The following STK25 variants were observed in gnomAD, a reference collection of about 807,000 sequenced individuals.
STK25 encodes serine/threonine kinase 25, also known as serine/threonine-protein kinase 25.
In STK25, 29 loss-of-function variants were observed where a neutral mutation model predicts 53.8. The observed-to-expected ratio is 0.54, with a 90% CI of 0.40 to 0.74. The LOEUF (loss-of-function observed/expected upper bound fraction) is 0.74, where lower values mean the gene tolerates loss of function less well. Ranked by LOEUF, STK25 falls within the 30% of genes least tolerant of loss-of-function variation. STK25 has a pLI of 0.00. For synonymous variants in STK25, 247 were observed against 238.3 expected, an observed-to-expected ratio of 1.04 and a Z score of -0.33; for missense variants, 420 against 568.0, an observed-to-expected ratio of 0.74 and a Z score of 2.65.
chr2:241,498,896 G>A, intron 7 of STK25, 93 bp downstream of exon 7: 2 of 1,607,632 alleles, frequency 1.2e-6, no homozygotes, highest in Non-Finnish European at 1.7e-6. Flanking sequence ...CAAGGCTGGT[G>A]GGCCTGGGCC....
At position 241,495,642 on chromosome 2, in the gene STK25, T is replaced by C. The variant is rs2065102732; in HGVS notation, c.*20A>G. The C allele has an allele frequency of 6.2e-7, 1 of 1,614,062 alleles. No homozygotes were observed. On this transcript the variant is annotated 3_prime_UTR_variant, in exon 12 of 12. Coordinates refer to ENST00000316586, the MANE Select transcript of STK25 (RefSeq NM_001271977.2). ...CAAAAACAAACGACCTTCCGTCCCC[T>C]ATCTGAACAGCAGTGCGCTTCAGCG...
At position 241,493,526 on chromosome 2, in the gene STK25, C is replaced by A; in HGVS notation, c.*2136G>T. On this transcript the variant is annotated 3_prime_UTR_variant, in exon 12 of 12. Coordinates refer to ENST00000316586, the MANE Select transcript of STK25 (RefSeq NM_001271977.2). The stretch of plus-strand genomic sequence containing the variant: ...CCATTTCTACTCATGGTGGTGGAGG[C>A]AAGTTTTCTGGGCCCTGGAAAGGAA... The A allele has an allele frequency of 1.5e-6, 2 of 1,370,726 alleles. No homozygotes were observed. Among genetic ancestry groups the A allele is most frequent in the Non-Finnish European group, 1.0e-6 (1 of 968,400 alleles). The allele number at this position is 1,370,726 out of a possible 1,614,324, so 84.9% of individuals were successfully genotyped here.
chr2:241,497,391 A>G (rs909380013), intron 10 of STK25: 21 of 541,156 alleles, frequency 3.9e-5, no homozygotes, highest in Non-Finnish European at 6.7e-5. Context: ...GAAGAAAAAA[A>G]AGTCACCCTA....
At chr2:241,505,069 A>G (rs2065743357) in intron 2 of STK25, among the ~76,000 whole-genome samples, 1 of 146,986 alleles carries the variant, frequency 6.8e-6, no homozygotes, top group South Asian at 2.1e-4. Flanking sequence ...GGCACCCGCC[A>G]TCATGCCCCG....
chr2:241,509,354 ACTT>A (rs2066033940), upstream of STK25: 1 of 152,274 alleles, frequency 6.6e-6, no homozygotes, highest in African/African-American at 2.4e-5. Context: ...TCCGGGAGGG[ACTT>A]GCAGATCCCA....
In STK25 at chr2:241,496,565, AC is replaced by A; in HGVS notation, c.1105-32del. 1 of 1,601,182 alleles carries A rather than the reference AC, an allele frequency of 6.2e-7. No individual in the cohort carries two copies. The highest frequency in any genetic ancestry group is 8.5e-7 in the Non-Finnish European group (1 of 1,171,248). ...AAAAGACCACCACGCCTGACCCTGG[AC>A]CCCAGGACAGGCCTTCAGGGAGCCT... is the stretch of plus-strand genomic sequence containing the variant. On this transcript the variant is annotated intron_variant, in intron 10 of 11. Transcript: ENST00000316586. This position sits in a 1 kb window ranked among gnomAD's most constrained non-coding sequence, Gnocchi z 5.8.
intron 2 of STK25, among the ~76,000 whole-genome samples, chr2:241,506,654 C>G (rs1403045968): frequency 6.6e-6 from 1 of 152,164 alleles, no homozygotes; most frequent in African/African-American, 2.4e-5. Context: ...GTAATCCAAG[C>G]TACTTGGGAG....
At chr2:241,500,112 G>T in intron 5 of STK25, 61 bp downstream of exon 5, 1 of 1,456,244 alleles carries the variant, frequency 6.9e-7, no homozygotes. Context: ...ACAGGCCCCG[G>T]CCTCTCTAAG....
At position 241,496,491 on chromosome 2, in the gene STK25, A is replaced by C. The variant is rs1179240161; in HGVS notation, c.1148T>G (p.Leu383Arg). The C allele has an allele frequency of 6.2e-7, 1 of 1,613,410 alleles. No individual in the cohort carries two copies. Among genetic ancestry groups the C allele is most frequent in the Non-Finnish European group, 8.5e-7 (1 of 1,179,942 alleles). Residue 383 changes from leucine to arginine, a missense_variant, in exon 11 of 12, where the codon CTG becomes CGG. Physicochemically the swap from Leu to Arg is moderately radical, Grantham distance 102. Transcript: ENST00000316586. This position sits in a 1 kb window ranked among gnomAD's most constrained non-coding sequence, Gnocchi z 5.8. ...GCTGAAGGCGTTCTCCAGCTCCTCC[A>C]GCGCACCCACGCTCCCGCCGCTCTG... Reference protein sequence around the residue: ...HKQSGGSVGALEELENAFSLA... With the variant: ...HKQSGGSVGAREELENAFSLA...
Position 241,495,551 on chromosome 2 carries a change from G to T in STK25, c.*111C>A. ...ATGTGAGGCCCACGGGATCCGACGT[G>T]TCCCTGCAGGCACGACATAGCACAG... On this transcript the variant is annotated 3_prime_UTR_variant, in exon 12 of 12. Coordinates refer to ENST00000316586, the MANE Select transcript of STK25 (RefSeq NM_001271977.2). The T allele has an allele frequency of 1.6e-6, 2 of 1,217,446 alleles. No individual in the cohort carries two copies. The highest frequency in any genetic ancestry group is 2.3e-5 in the East Asian group (1 of 42,810). The allele number at this position is 1,217,446 out of a possible 1,614,324, so 75.4% of individuals were successfully genotyped here.
At position 241,501,326 on chromosome 2, in the gene STK25, T is replaced by G. The variant is rs2065498124; in HGVS notation, c.261+152A>C. The G allele has an allele frequency of 1.3e-6, 1 of 764,560 alleles. No homozygotes were observed. Among genetic ancestry groups the G allele is most frequent in the Non-Finnish European group, 2.2e-6 (1 of 449,488 alleles). 47.4% of individuals were successfully genotyped at this position (764,560 alleles called of 1,614,324 possible). A position where few individuals can be genotyped will look rare whatever the true frequency, so the allele number is the denominator to read the frequency against. Reference sequence around the variant, plus strand: ...CCAACTGACCCTCGTGGACGAGGGCTCACACCCTGCCTGCCCAGGGCAGTT... The same window carrying G: ...CCAACTGACCCTCGTGGACGAGGGCGCACACCCTGCCTGCCCAGGGCAGTT... On this transcript the variant is annotated intron_variant, in intron 3 of 11. Transcript: ENST00000316586. The surrounding 1 kb of genome is among the most constrained non-coding windows in gnomAD (Gnocchi z 5.3).
chr2:241,504,173 G>A lies in STK25; in HGVS notation c.31-2465C>T, dbSNP rs562475096. 2.4e-3 allele frequency: 1,137 copies of A among 467,572 alleles called. 2 individuals are homozygous for A. Among genetic ancestry groups the A allele is most frequent in the Non-Finnish European group, 4.0e-3 (910 of 225,600 alleles). 29.0% of individuals were successfully genotyped at this position (467,572 alleles called of 1,614,324 possible). ...CTGCAAGGCTGGCTTGTCAAGGCCC[G>A]GGGGTGTGCAGGTGGCCTCCATGCA... is the stretch of plus-strand genomic sequence containing the variant. On this transcript the variant is annotated intron_variant, in intron 2 of 11. Transcript: ENST00000316586.
chr2:241,493,385 G>A lies in STK25; in HGVS notation c.*2277C>T, dbSNP rs568686848. On this transcript the variant is annotated 3_prime_UTR_variant, in exon 12 of 12. Transcript: ENST00000316586. Reference sequence around the variant, plus strand: ...GCATACACAAAGACTATGTTTTCAAGCTCCAGTTCAAATCCCACGTCTACT... The same window carrying A: ...GCATACACAAAGACTATGTTTTCAAACTCCAGTTCAAATCCCACGTCTACT... 3.7e-6 allele frequency: 6 copies of A among 1,613,986 alleles called. No homozygotes were observed. In the South Asian group the frequency reaches 4.4e-5, roughly 12 times the overall value.
At chr2:241,507,088 A>G (rs1163103240) in intron 2 of STK25, among the ~76,000 whole-genome samples, 2 of 152,236 alleles carry the variant, frequency 1.3e-5, no homozygotes, top group African/African-American at 4.8e-5. Context: ...CATAGGAGTG[A>G]ACAAGGAGGG....
At position 241,495,673 on chromosome 2, in the gene STK25, A is replaced by G. The variant is rs2065104284; in HGVS notation, c.1270T>C (p.Ser424Pro). The G allele has an allele frequency of 6.2e-7, 1 of 1,614,102 alleles. No homozygotes were observed. The highest frequency in any genetic ancestry group is 8.5e-7 in the Non-Finnish European group (1 of 1,180,038). ...RFSHNRNHLT[S>P]TR The stretch of plus-strand genomic sequence containing the variant: ...AACAGCAGTGCGCTTCAGCGGGTGG[A>G]TGTCAGGTGGTTTCTGTTGTGTGAA... Residue 424 changes from serine to proline, a missense_variant, in exon 12 of 12, where the codon TCC (serine) becomes CCC (proline). Ser to Pro is a moderately conservative substitution (Grantham distance 74). Transcript: ENST00000316586.
At chr2:241,507,773 G>A (rs1239173350) in intron 2 of STK25, among the ~76,000 whole-genome samples, 1 of 152,226 alleles carries the variant, frequency 6.6e-6, no homozygotes, top group African/African-American at 2.4e-5. Flanking sequence ...AGCCACCAGG[G>A]GCTCGGTTTC....
In STK25 at chr2:241,493,555, C is replaced by A; in HGVS notation, c.*2107G>T. ...TTTTCTGGGCCCTGGAAAGGAAGGG[C>A]TGAGCAATGCTTCCAGCATTTCCAA... On this transcript the variant is annotated 3_prime_UTR_variant, in exon 12 of 12. Coordinates refer to ENST00000316586, the MANE Select transcript of STK25 (RefSeq NM_001271977.2). 2.1e-6 allele frequency: 2 copies of A among 930,336 alleles called. No homozygotes were observed. The highest frequency in any genetic ancestry group is 1.5e-5 in the South Asian group (1 of 66,694). The allele number at this position is 930,336 out of a possible 1,614,324, so 57.6% of individuals were successfully genotyped here.
At position 241,495,517 on chromosome 2, in the gene STK25, T is replaced by TGACCTGGC. The variant is rs2065096696; in HGVS notation, c.*137_*144dup. 3.8e-6 allele frequency: 3 copies of TGACCTGGC among 784,708 alleles called. No homozygotes were observed. The Admixed American group carries it at 6.1e-5, about 16-fold the overall frequency. 48.6% of individuals were successfully genotyped at this position (784,708 alleles called of 1,614,324 possible). A position where few individuals can be genotyped will look rare whatever the true frequency, so the allele number is the denominator to read the frequency against. On this transcript the variant is annotated 3_prime_UTR_variant, in exon 12 of 12. Coordinates refer to ENST00000316586, the MANE Select transcript of STK25 (RefSeq NM_001271977.2). Reference sequence around the variant, plus strand: ...GGGGTGGAAGGAGACGGTGACCTGGTGACCTGGCATGTGAGGCCCACGGGA... The same window carrying TGACCTGGC: ...GGGGTGGAAGGAGACGGTGACCTGGTGACCTGGCGACCTGGCATGTGAGGCCCACGGGA...
intron 2 of STK25, among the ~76,000 whole-genome samples, chr2:241,505,166 C>A (rs1021314764): frequency 6.6e-6 from 1 of 151,280 alleles, no homozygotes. Context: ...CTCAGGTGAT[C>A]TGCAGAAGCA....
Sources: gnomAD v4.1 joint callset for allele counts (sites outside exome capture counted in the v4.1 genomes callset) on GRCh38, gnomAD v4.1.1 for gene constraint, Gnocchi (gnomAD v3.1) non-coding constraint, MANE v1.5 for transcripts, NCBI Gene and HGNC (gene_info 2026-07-23, HGNC 2026-07-21) for gene names.